The following TLR2 variants were observed in gnomAD, a reference collection of about 807,000 sequenced individuals.
TLR2 encodes the protein toll-like receptor 2.
TLR2 carries 7 observed loss-of-function variants against 9.1 expected under a neutral mutation model. The ratio of observed to expected loss-of-function variants is 0.77; its 90% CI spans 0.44 to 1.44. The LOEUF is 1.44. Ranked by LOEUF, TLR2 falls within the 40% of genes most tolerant of loss-of-function variation. The pLI is 0.01. For missense variants in TLR2, 812 were observed against 904.6 expected (o/e 0.90, Z 1.31); for synonymous variants, 317 against 344.6 (o/e 0.92, Z 0.89).
At position 153,693,532 on chromosome 4, in the gene TLR2, G is replaced by T. The variant is rs185019875; in HGVS notation, c.-17+5485G>T. 3.0e-3 allele frequency among the ~76,000 whole-genome samples: 459 copies of T among 152,250 alleles called. 5 individuals are homozygous for T. Among genetic ancestry groups the T allele is most frequent in the African/African-American group, 0.01 (432 of 41,540 alleles). ...TCAGTCACTGGGGCGACTACTTTTT[G>T]CCCAGTGTCCTCTGGAAAAGAAAGA... On this transcript the variant is annotated intron_variant, in intron 2 of 2. Coordinates refer to ENST00000642700, the MANE Select transcript of TLR2 (RefSeq NM_001318789.2).
At position 153,691,652 on chromosome 4, in the gene TLR2, T is replaced by C. The variant is rs1736124671; in HGVS notation, c.-17+3605T>C. On this transcript the variant is annotated intron_variant, in intron 2 of 2. Coordinates refer to ENST00000642700, the MANE Select transcript of TLR2 (RefSeq NM_001318789.2). ...GCTTCTTTTGTTAATTGCTGAGGGC[T>C]AATGAGACTAGGATCTCCTCTAAGG... Among the ~76,000 whole-genome samples the C allele has an allele frequency of 2.0e-5, 3 of 152,164 alleles. No homozygotes were observed. The South Asian group carries it at 6.2e-4, about 31-fold the overall frequency.
chr4:153,704,539 C>T lies in TLR2; in HGVS notation c.1632C>T (p.Phe544=). The T allele has an allele frequency of 6.2e-7, 1 of 1,613,966 alleles. No homozygotes were observed. Reference sequence around the variant, plus strand: ...TTTGCTCCTGTGAATTCCTCTCCTTCACTCAGGAGCAGCAAGCACTGGCCA... The same window carrying T: ...TTTGCTCCTGTGAATTCCTCTCCTTTACTCAGGAGCAGCAAGCACTGGCCA... ...NFICSCEFLS[F]TQEQQALAKV... is the part of the protein sequence containing the mutation. Residue 544 remains phenylalanine, a synonymous_variant, in exon 3 of 3, where the codon TTC becomes TTT. Coordinates refer to ENST00000642700, the MANE Select transcript of TLR2 (RefSeq NM_001318789.2).
chr4:153,706,847 A>G (rs1579013674), downstream of TLR2, among the ~76,000 whole-genome samples: 1 of 152,160 alleles, frequency 6.6e-6, no homozygotes, highest in Non-Finnish European at 1.5e-5. Context: ...AGGGATGATG[A>G]TCTCTATATC....
intron 1 of TLR2, among the ~76,000 whole-genome samples, chr4:153,686,451 T>G (rs908743458): frequency 6.6e-5 from 10 of 152,138 alleles, no homozygotes; most frequent in African/African-American, 2.4e-4. Context: ...CAGACTAGAC[T>G]TCAAAACAAC....
Position 153,704,258 on chromosome 4 carries a change from G to A in TLR2, c.1351G>A (p.Val451Ile). ...CTTATCCAGCACACGAATACACAGT[G>A]TAACAGGCTGCATTCCCAAGACACT... ...LNLSSTRIHSVTGCIPKTLEI... is the reference protein window; with the variant it reads ...LNLSSTRIHSITGCIPKTLEI... Residue 451 changes from valine (V) to isoleucine (I), a missense_variant, in exon 3 of 3, where the codon GTA becomes ATA. Physicochemically the swap from Val to Ile is conservative, Grantham distance 29. Transcript: ENST00000642700. 2 of 1,614,168 alleles carry A rather than the reference G, an allele frequency of 1.2e-6. No individual in the cohort carries two copies. The highest frequency in any genetic ancestry group is 2.2e-5 in the East Asian group (1 of 44,880).
intron 1 of TLR2, among the ~76,000 whole-genome samples, chr4:153,684,752 C>T (rs1164303435): frequency 6.6e-6 from 1 of 151,472 alleles, no homozygotes; most frequent in Non-Finnish European, 1.5e-5. Flanking sequence ...GGGGGGGTTG[C>T]CGCGGAGAGC....
chr4:153,710,550 G>T (rs940329348), downstream of TLR2: 29 of 1,499,800 alleles, frequency 1.9e-5, no homozygotes, highest in Admixed American at 3.4e-4. Context: ...ATTCATAAAT[G>T]TCATTTGCAA....
rs1737137744 is a variant in TLR2 at position 153,704,095 on chromosome 4, A to G, written c.1188A>G (p.Gln396=). 2 of 1,614,112 alleles carry G rather than the reference A, an allele frequency of 1.2e-6. No homozygotes were observed. Among genetic ancestry groups the G allele is most frequent in the Non-Finnish European group, 1.7e-6 (2 of 1,180,012 alleles). Residue 396 remains glutamine (Q), a synonymous_variant, in exon 3 of 3, where the codon CAA becomes CAG. Coordinates refer to ENST00000642700, the MANE Select transcript of TLR2 (RefSeq NM_001318789.2). ...CTCTACAAACTTTAATTTTAAGGCA[A>G]AATCATTTGGCATCATTGGAAAAAA... is the stretch of plus-strand genomic sequence containing the variant. ...WPSLQTLILR[Q]NHLASLEKTG... is the part of the protein sequence containing the mutation.
rs150700268 is a variant in TLR2 at position 153,704,338 on chromosome 4, G to T, written c.1431G>T (p.Pro477=). 2 of 1,613,032 alleles carry T rather than the reference G, an allele frequency of 1.2e-6. No individual in the cohort carries two copies. Among genetic ancestry groups the T allele is most frequent in the East Asian group, 2.2e-5 (1 of 44,888 alleles). Residue 477 remains proline (P), a synonymous_variant, in exon 3 of 3, where the codon CCG becomes CCT. Coordinates refer to ENST00000642700, the MANE Select transcript of TLR2 (RefSeq NM_001318789.2). ...TCAATTTATTTTCTTTGAATTTGCC[G>T]CAACTCAAAGAACTTTATATTTCCA... ...NNLNLFSLNL[P]QLKELYISRN... is the part of the protein sequence containing the mutation.
At chr4:153,687,001 A>T (rs1441756144) in intron 1 of TLR2, among the ~76,000 whole-genome samples, 3 of 152,318 alleles carry the variant, frequency 2.0e-5, no homozygotes, top group East Asian at 3.9e-4. Flanking sequence ...TCTGACCATA[A>T]TGCAATTAAA....
At chr4:153,685,647 C>T (rs1230552731) in intron 1 of TLR2, among the ~76,000 whole-genome samples, 1 of 152,158 alleles carries the variant, frequency 6.6e-6, no homozygotes, top group Non-Finnish European at 1.5e-5. Context: ...ATAATGTACC[C>T]ATTTTACATT....
intron 2 of TLR2, among the ~76,000 whole-genome samples, chr4:153,693,013 T>C (rs1271592704): frequency 6.6e-6 from 1 of 152,250 alleles, no homozygotes. Flanking sequence ...TGCTTTGCCT[T>C]GTTTATTTGT....
At position 153,705,457 on chromosome 4, in the gene TLR2, T is replaced by C; in HGVS notation, c.*195T>C. The C allele has an allele frequency of 1.8e-6, 1 of 541,848 alleles. No homozygotes were observed. Among genetic ancestry groups the C allele is most frequent in the Non-Finnish European group, 3.1e-6 (1 of 321,694 alleles). The allele number at this position is 541,848 out of a possible 1,614,324, so 33.6% of individuals were successfully genotyped here. The stretch of plus-strand genomic sequence containing the variant: ...AACATATGCCAGATTTAAAAATTGG[T>C]TTTTGGTTTTTCTTTTTTCTATGAG... On this transcript the variant is annotated 3_prime_UTR_variant, in exon 3 of 3. Transcript: ENST00000642700.
In TLR2 at chr4:153,684,331, C is replaced by T. The variant is rs1221843487; in HGVS notation, c.-192C>T. The T allele has an allele frequency of 3.8e-5, 4 of 104,734 alleles. No individual in the cohort carries two copies. The highest frequency in any genetic ancestry group is 8.0e-5 in the African/African-American group (2 of 25,000). The allele number at this position is 104,734 out of a possible 1,614,324, so 6.5% of individuals were successfully genotyped here. On this transcript the variant is annotated 5_prime_UTR_variant, in exon 1 of 3. Coordinates refer to ENST00000642700, the MANE Select transcript of TLR2 (RefSeq NM_001318789.2). The stretch of plus-strand genomic sequence containing the variant: ...CGCAGCCAGGCGGCTGCTCGGCGTT[C>T]TCTCAGGTGACTGCTCGGAGTTCTC...
At chr4:153,707,069 A>G (rs112911266), downstream of TLR2, among the ~76,000 whole-genome samples, 83 of 152,230 alleles carry the variant, frequency 5.5e-4, 2 homozygotes, top group African/African-American at 1.9e-3. Flanking sequence ...TCCCTTATAT[A>G]TTATGGCTTG....
Position 153,705,087 on chromosome 4 carries a change from A to T in TLR2, c.2180A>T (p.Glu727Val), listed in dbSNP as rs948485489. Residue 727 changes from glutamate to valine, a missense_variant, in exon 3 of 3, where the codon GAG (glutamate) becomes GTG (valine). Physicochemically the swap from Glu to Val is moderately radical, Grantham distance 121. Coordinates refer to ENST00000642700, the MANE Select transcript of TLR2 (RefSeq NM_001318789.2). ...TTCTCCCATTTCCGTCTTTTTGATG[A>T]GAACAATGATGCTGCCATTCTCATT... ...LDFSHFRLFDENNDAAILILL... is the reference protein window; with the variant it reads ...LDFSHFRLFDVNNDAAILILL... 5 of 1,614,058 alleles carry T rather than the reference A, an allele frequency of 3.1e-6. No homozygotes were observed. In the African/African-American group the frequency reaches 6.7e-5, roughly 22 times the overall value.
downstream of TLR2, chr4:153,710,256 G>GT: frequency 1.3e-6 from 1 of 792,210 alleles, no homozygotes; most frequent in South Asian, 2.7e-5. Flanking sequence ...TGACAACAAA[G>GT]TTTACTTAGT....
chr4:153,703,311 C>A lies in TLR2; in HGVS notation c.404C>A (p.Pro135His), dbSNP rs759785067. ...ACATTCTTAAACTTACTGGGAAATCCTTACAAAACCCTAGGGGAAACATCT... is the reference window on the plus strand; with the variant it reads ...ACATTCTTAAACTTACTGGGAAATCATTACAAAACCCTAGGGGAAACATCT... ...SLTFLNLLGN[P>H]YKTLGETSLF... Residue 135 changes from proline (P) to histidine (H), a missense_variant, in exon 3 of 3, where the codon CCT (proline) becomes CAT (histidine). Transcript: ENST00000642700. 3.1e-6 allele frequency: 5 copies of A among 1,612,192 alleles called. No homozygotes were observed. Among genetic ancestry groups the A allele is most frequent in the Non-Finnish European group, 3.4e-6 (4 of 1,179,638 alleles).
chr4:153,704,671 A>G lies in TLR2; in HGVS notation c.1764A>G (p.Thr588=), dbSNP rs1280687184. The G allele has an allele frequency of 7.4e-6, 12 of 1,613,580 alleles. No individual in the cohort carries two copies. The highest frequency in any genetic ancestry group is 1.0e-5 in the Non-Finnish European group (12 of 1,179,898). ...TCTCGGTGTCGGAATGTCACAGGAC[A>G]GCACTGGTGTCTGGCATGTGCTGTG... is the stretch of plus-strand genomic sequence containing the variant. ...VRLSVSECHR[T]ALVSGMCCAL... Residue 588 remains threonine (T), a synonymous_variant, in exon 3 of 3, where the codon ACA becomes ACG. Transcript: ENST00000642700.
Sources: allele counts gnomAD v4.1 joint callset (sites outside exome capture counted in the v4.1 genomes callset), GRCh38; gene constraint gnomAD v4.1.1; transcripts MANE v1.5; gene names NCBI Gene and HGNC (gene_info 2026-07-23, HGNC 2026-07-21).